Variants in COG3 observed in about 807,000 individuals in gnomAD.
COG3 encodes conserved oligomeric Golgi complex subunit 3.
In COG3, 32 loss-of-function variants were observed where a neutral mutation model predicts 114.1. That is an observed-to-expected ratio of 0.28 (90% CI 0.21 to 0.38). The LOEUF (loss-of-function observed/expected upper bound fraction) is 0.38. Among genes scored for constraint, COG3 ranks in the 10% least tolerant of loss-of-function variants. The pLI is 1.00. For missense variants in COG3, 813 were observed against 973.2 expected (o/e 0.84, Z 2.19); for synonymous variants, 352 against 365.7 (o/e 0.96, Z 0.43).
intron 13 of COG3, among the ~76,000 whole-genome samples, chr13:45,498,921 G>A (rs890185148): frequency 4.0e-5 from 6 of 151,564 alleles, no homozygotes; most frequent in South Asian, 2.1e-4. Flanking sequence ...TGATACAGGC[G>A]TTCACCTTTT....
intron 19 of COG3, among the ~76,000 whole-genome samples, chr13:45,523,750 A>G (rs922492220): frequency 5.9e-5 from 9 of 152,202 alleles, no homozygotes; most frequent in Non-Finnish European, 1.3e-4. Context: ...GATATGGGAA[A>G]ATGACCAGAA....
At chr13:45,465,303 A>G (rs1885064653) in intron 1 of COG3, 93 bp downstream of exon 1, 11 of 1,497,394 alleles carry the variant, frequency 7.3e-6, no homozygotes, top group East Asian at 2.4e-5. Flanking sequence ...GCCTCTGCCC[A>G]GGATATCTCT....
In COG3 at chr13:45,476,222, A is replaced by C. The variant is rs1000819946; in HGVS notation, c.196A>C (p.Ser66Arg). 1 of 1,613,974 alleles carries C rather than the reference A, an allele frequency of 6.2e-7. No individual in the cohort carries two copies. The highest frequency in any genetic ancestry group is 8.5e-7 in the Non-Finnish European group (1 of 1,179,988). Residue 66 changes from serine to arginine, a missense_variant, in exon 2 of 23, where the codon AGT (serine) becomes CGT (arginine). Ser to Arg is a moderately radical substitution (Grantham distance 110). Around this residue, in one of 2 missense-constraint regions of COG3, gnomAD observed 424 missense variants for 430.6 expected, o/e 0.98. Transcript: ENST00000349995. Reference sequence around the variant, plus strand: ...CAAGCTTCCAATTGAAGACTTGTGCAGTTTAACATCCCAGTCACTGCCCAT... The same window carrying C: ...CAAGCTTCCAATTGAAGACTTGTGCCGTTTAACATCCCAGTCACTGCCCAT... ...PAELPIEDLC[S>R]LTSQSLPIEL...
intron 13 of COG3, among the ~76,000 whole-genome samples, chr13:45,501,413 A>G (rs1282988750): frequency 2.0e-5 from 3 of 152,182 alleles, no homozygotes; most frequent in East Asian, 1.9e-4. Context: ...ACTTTGGGTT[A>G]TAGTTCACTG....
chr13:45,524,755 C>G (rs569841392), intron 19 of COG3, among the ~76,000 whole-genome samples: 1 of 152,222 alleles, frequency 6.6e-6, no homozygotes, highest in Non-Finnish European at 1.5e-5. Context: ...AACCATATGC[C>G]TTGAAATCAC....
chr13:45,505,429 G>C lies in COG3; in HGVS notation c.1594+2080G>C, dbSNP rs1870026662. 2.0e-5 allele frequency among the ~76,000 whole-genome samples: 3 copies of C among 151,072 alleles called. No individual in the cohort carries two copies. In the South Asian group the frequency reaches 6.3e-4, roughly 32 times the overall value. On this transcript the variant is annotated intron_variant, in intron 14 of 22. Transcript: ENST00000349995. Reference sequence around the variant, plus strand: ...CAATTCTCCTGCCTCAGCCTCCTGAGTAGCTGGGACTACAGGTGCACACCA... The same window carrying C: ...CAATTCTCCTGCCTCAGCCTCCTGACTAGCTGGGACTACAGGTGCACACCA...
chr13:45,490,338 C>CAGT (rs371606568), intron 8 of COG3, among the ~76,000 whole-genome samples: 9 of 152,258 alleles, frequency 5.9e-5, no homozygotes, highest in Middle Eastern at 3.4e-3. Context: ...CAGTTTTATA[C>CAGT]AGTAGGGAGT....
At chr13:45,531,604 T>A (rs541289958) in intron 22 of COG3, among the ~76,000 whole-genome samples, 2 of 152,068 alleles carry the variant, frequency 1.3e-5, no homozygotes, top group East Asian at 1.9e-4. Context: ...GCCTCCCAGG[T>A]TCATGCAATT....
rs1871848678 is a variant in COG3, at chr13:45,519,234, GT to G, written c.2154+143del. ...ATGATTCTGTCTAGGAAATCACTGT[GT>G]TTCCTATTATGGAAGCTTTCTGGTT... On this transcript the variant is annotated intron_variant, in intron 19 of 22. Transcript: ENST00000349995. 27 of 949,062 alleles carry G rather than the reference GT, an allele frequency of 2.8e-5. No homozygotes were observed. The South Asian group carries it at 4.4e-4, about 16-fold the overall frequency. 58.8% of individuals were successfully genotyped at this position (949,062 alleles called of 1,614,324 possible).
intron 1 of COG3, among the ~76,000 whole-genome samples, chr13:45,472,834 C>T (rs987718672): frequency 1.3e-5 from 2 of 152,182 alleles, no homozygotes; most frequent in African/African-American, 4.8e-5. Flanking sequence ...TCATCTGAGT[C>T]TGGCTCTGTT....
chr13:45,498,798 T>TTTTC (rs10691523), intron 13 of COG3, among the ~76,000 whole-genome samples: 14 of 148,400 alleles, frequency 9.4e-5, no homozygotes, highest in African/African-American at 1.5e-4. Flanking sequence ...TTTTTTTTTT[T>TTTTC]CAAATTGTTT....
intron 7 of COG3, among the ~76,000 whole-genome samples, 157 bp from the exon 8 acceptor site, chr13:45,486,338 A>AGAGAG (rs778425569): frequency 1.4e-5 from 1 of 70,038 alleles, no homozygotes; most frequent in Non-Finnish European, 2.6e-5. Context: ...GAGACGGGAG[A>AGAGAG]CGGGAGAGGG....
chr13:45,474,668 A>T (rs1368139651), intron 1 of COG3, among the ~76,000 whole-genome samples: 1 of 152,098 alleles, frequency 6.6e-6, no homozygotes, highest in African/African-American at 2.4e-5. Flanking sequence ...ATACACAAAA[A>T]ACTCTATTTT....
intron 17 of COG3, 72 bp from the exon 18 acceptor site, chr13:45,518,690 C>T: frequency 8.9e-7 from 1 of 1,120,014 alleles, no homozygotes; most frequent in Non-Finnish European, 1.3e-6. Flanking sequence ...TGGTAGAGAA[C>T]TGGTGTATGT....
At position 45,490,020 on chromosome 13, in the gene COG3, A is replaced by G. The variant is rs144959680; in HGVS notation, c.925-895A>G. On this transcript the variant is annotated intron_variant, in intron 8 of 22. Transcript: ENST00000349995. ...CTACACGGTATTGGGAAGATTTGCT[A>G]AATATTTGAAAAAATAGTAAGCTTT... Among the ~76,000 whole-genome samples the G allele has an allele frequency of 7.9e-4, 121 of 152,286 alleles. 2 individuals are homozygous for G. The highest frequency in any genetic ancestry group is 6.5e-4 in the Non-Finnish European group (44 of 68,022).
In COG3 at chr13:45,534,737, C is replaced by A. The variant is rs1165483878; in HGVS notation, c.*6C>A. The A allele has an allele frequency of 2.6e-6, 4 of 1,558,706 alleles. No individual in the cohort carries two copies. The highest frequency in any genetic ancestry group is 2.4e-5 in the East Asian group (1 of 42,382). On this transcript the variant is annotated 3_prime_UTR_variant, in exon 23 of 23. Transcript: ENST00000349995. ...TGCTGTTGGTTTCTAAATAAGCAGG[C>A]CAGCCGGGCTGTGCACCTAAATGTC...
chr13:45,518,618 TCTCA>T (rs1304302690), intron 17 of COG3, 140 bp from the exon 18 acceptor site: 5 of 619,298 alleles, frequency 8.1e-6, no homozygotes, highest in Non-Finnish European at 1.4e-5. Flanking sequence ...CTGGTGCTCA[TCTCA>T]CTCTCAGCCT....
intron 15 of COG3, 56 bp from the exon 16 acceptor site, chr13:45,511,709 C>CT (rs201085627): frequency 9.9e-4 from 1,262 of 1,280,848 alleles, no homozygotes; most frequent in African/African-American, 1.4e-3. Flanking sequence ...TAGGATATTC[C>CT]TTTTTTTTTG....
chr13:45,502,019 T>C (rs1391244419), intron 13 of COG3, among the ~76,000 whole-genome samples: 2 of 152,190 alleles, frequency 1.3e-5, no homozygotes, highest in African/African-American at 4.8e-5. Context: ...GATCCCCTTG[T>C]AGGGCAGGCA....
Sources: allele counts gnomAD v4.1 joint callset (sites outside exome capture counted in the v4.1 genomes callset), GRCh38; gene constraint gnomAD v4.1.1; regional missense constraint gnomAD v4.1.1; transcripts MANE v1.5; gene names NCBI Gene and HGNC (gene_info 2026-07-23, HGNC 2026-07-21).